Variants in MDGA2 observed in about 807,000 individuals in gnomAD.
The protein encoded by MDGA2 is MAM domain containing glycosylphosphatidylinositol anchor 2.
A neutral mutation model predicts 117.8 loss-of-function variants in MDGA2; 40 were observed. That is an observed-to-expected ratio of 0.34 (90% CI 0.26 to 0.44). MDGA2 has a LOEUF of 0.44. MDGA2 is among the 20% of genes least tolerant of loss of function. The pLI, the probability that MDGA2 is intolerant of heterozygous loss-of-function variation, is 1.00. For synonymous variants in MDGA2, 452 were observed against 439.0 expected (o/e 1.03, Z -0.37); for missense variants, 1,123 against 1,250.6 (o/e 0.90, Z 1.54).
intron 8 of MDGA2, among the ~76,000 whole-genome samples, chr14:46,981,576 A>G (rs986162990): frequency 6.6e-6 from 1 of 152,190 alleles, no homozygotes; most frequent in African/African-American, 2.4e-5. Flanking sequence ...CCTTTAAATA[A>G]TACAATAGAT....
intron 2 of MDGA2, among the ~76,000 whole-genome samples, chr14:47,242,163 A>C (rs773586491): frequency 4.0e-5 from 6 of 151,870 alleles, no homozygotes; most frequent in Admixed American, 6.6e-5. Flanking sequence ...CACCTTCCCC[A>C]CACACACACG....
At chr14:47,308,506 T>C (rs1167090627) in intron 1 of MDGA2, among the ~76,000 whole-genome samples, 1 of 124,326 alleles carries the variant, frequency 8.0e-6, no homozygotes, top group South Asian at 2.2e-4. Flanking sequence ...CTGTTAGTTT[T>C]TTTTTTTTTT....
rs1337514794 is a variant in MDGA2 at position 46,884,366 on chromosome 14, G to A, written c.2239-2145C>T. Among the ~76,000 whole-genome samples the A allele has an allele frequency of 1.3e-5, 2 of 151,990 alleles. No individual in the cohort carries two copies. The highest frequency in any genetic ancestry group is 2.9e-5 in the Non-Finnish European group (2 of 67,990). On this transcript the variant is annotated intron_variant, in intron 10 of 16. Coordinates refer to ENST00000399232, the MANE Select transcript of MDGA2 (RefSeq NM_001113498.3). This position sits in a 1 kb window ranked among gnomAD's most constrained non-coding sequence, Gnocchi z 4.1. ...CCATTTTCCCTTGGATTTTTACGTA[G>A]TACTTTCTCTATGTACACACACATA...
chr14:47,661,962 C>T (rs533092394), intron 1 of MDGA2, among the ~76,000 whole-genome samples: 3 of 152,184 alleles, frequency 2.0e-5, no homozygotes, highest in Admixed American at 1.3e-4. Flanking sequence ...GTCTCGAGCT[C>T]CTGACTTCAG....
chr14:47,108,311 G>A (rs1880839344), intron 5 of MDGA2, among the ~76,000 whole-genome samples: 1 of 152,106 alleles, frequency 6.6e-6, no homozygotes, highest in Non-Finnish European at 1.5e-5. Flanking sequence ...TAAGAAGGCA[G>A]GAATATCAGG....
At chr14:47,335,051 C>T (rs1259617055) in intron 1 of MDGA2, among the ~76,000 whole-genome samples, 1 of 151,798 alleles carries the variant, frequency 6.6e-6, no homozygotes, top group African/African-American at 2.4e-5. Context: ...CAACAGCATG[C>T]ACTTTATGTA....
chr14:47,344,471 C>T (rs1890719686), intron 1 of MDGA2, among the ~76,000 whole-genome samples: 1 of 152,090 alleles, frequency 6.6e-6, no homozygotes, highest in Non-Finnish European at 1.5e-5. Context: ...ATGTGAGCTT[C>T]TCAAATTTTT....
At position 47,422,910 on chromosome 14, in the gene MDGA2, T is replaced by C. The variant is rs992268444; in HGVS notation, c.281-121360A>G. ...GATAAATAGATGGATTTTAAATAGA[T>C]AGATGATAGATGATAGATAGATAGG... On this transcript the variant is annotated intron_variant, in intron 1 of 16. Transcript: ENST00000399232. Among the ~76,000 whole-genome samples the C allele has an allele frequency of 1.5e-4, 23 of 152,044 alleles. No individual in the cohort carries two copies. In the East Asian group the frequency reaches 2.5e-3, roughly 17 times the overall value.
intron 1 of MDGA2, among the ~76,000 whole-genome samples, chr14:47,668,930 C>A (rs1197814791): frequency 1.3e-5 from 2 of 152,100 alleles, no homozygotes; most frequent in Non-Finnish European, 2.9e-5. Flanking sequence ...TGAGCCCAAC[C>A]CTTGCAAGAC....
At chr14:47,343,563 G>T (rs897642586) in intron 1 of MDGA2, among the ~76,000 whole-genome samples, 14 of 151,864 alleles carry the variant, frequency 9.2e-5, no homozygotes, top group African/African-American at 2.9e-4. Flanking sequence ...ATAATTAACT[G>T]CCACAGAGTA....
intron 1 of MDGA2, among the ~76,000 whole-genome samples, chr14:47,463,731 A>T (rs1341247668): frequency 6.6e-6 from 1 of 152,126 alleles, no homozygotes; most frequent in Admixed American, 6.6e-5. Context: ...AACATTTTAA[A>T]ATCACCAGTT....
At chr14:47,133,418 G>A (rs575741950) in intron 4 of MDGA2, among the ~76,000 whole-genome samples, 12 of 152,010 alleles carry the variant, frequency 7.9e-5, no homozygotes, top group East Asian at 7.7e-4. Flanking sequence ...TTTGTCACAC[G>A]TATTGCTCAA....
At chr14:47,347,446 G>A (rs1890785095) in intron 1 of MDGA2, among the ~76,000 whole-genome samples, 2 of 152,172 alleles carry the variant, frequency 1.3e-5, no homozygotes, top group South Asian at 2.1e-4. Context: ...TTATTTGCCA[G>A]TGAGTAATAA....
chr14:47,068,911 C>A (rs1054388834), intron 6 of MDGA2, among the ~76,000 whole-genome samples: 1 of 152,004 alleles, frequency 6.6e-6, no homozygotes, highest in African/African-American at 2.4e-5. Flanking sequence ...TAAGCGGTGC[C>A]CTTTCCCTTT....
chr14:47,247,720 G>A (rs1887295013), intron 2 of MDGA2, among the ~76,000 whole-genome samples: 1 of 150,974 alleles, frequency 6.6e-6, no homozygotes, highest in Admixed American at 6.6e-5. Flanking sequence ...GTATACACGT[G>A]CCATGGTGGT....
In MDGA2 at chr14:46,840,698, C is replaced by T. The variant is rs1258031404; in HGVS notation, c.*1233G>A. ...TGCAATCCCAAACATTTTCTTGTTC[C>T]CTCTAAAGCTAGGGCCAATTTCATT... is the stretch of plus-strand genomic sequence containing the variant. On this transcript the variant is annotated 3_prime_UTR_variant, in exon 17 of 17. Coordinates refer to ENST00000399232, the MANE Select transcript of MDGA2 (RefSeq NM_001113498.3). 1.3e-5 allele frequency: 2 copies of T among 152,502 alleles called. No individual in the cohort carries two copies. Among genetic ancestry groups the T allele is most frequent in the Admixed American group, 6.6e-5 (1 of 15,242 alleles). 9.4% of individuals were successfully genotyped at this position (152,502 alleles called of 1,614,324 possible). A position where few individuals can be genotyped will look rare whatever the true frequency, so the allele number is the denominator to read the frequency against.
At chr14:47,330,196 T>C (rs990898754) in intron 1 of MDGA2, among the ~76,000 whole-genome samples, 1 of 151,938 alleles carries the variant, frequency 6.6e-6, no homozygotes, top group African/African-American at 2.4e-5. Context: ...TAATATAAAT[T>C]TTAATTTATA....
intron 3 of MDGA2, among the ~76,000 whole-genome samples, chr14:47,144,962 A>G (rs908361950): frequency 2.6e-5 from 4 of 151,650 alleles, no homozygotes; most frequent in African/African-American, 7.3e-5. Flanking sequence ...TTGTCTTAAT[A>G]TACTTCTTTT....
intron 5 of MDGA2, among the ~76,000 whole-genome samples, chr14:47,118,826 C>A (rs1881469727): frequency 1.3e-5 from 2 of 152,118 alleles, no homozygotes; most frequent in Admixed American, 1.3e-4. Context: ...CTCAACCTGG[C>A]AGGCTCAAGT....
Sources: gnomAD v4.1 joint callset for allele counts (sites outside exome capture counted in the v4.1 genomes callset) on GRCh38, gnomAD v4.1.1 for gene constraint, Gnocchi (gnomAD v3.1) non-coding constraint, MANE v1.5 for transcripts, NCBI Gene and HGNC (gene_info 2026-07-23, HGNC 2026-07-21) for gene names.